PCDH10: variants seen among roughly 807,000 people sequenced by gnomAD.
The protein encoded by PCDH10 is protocadherin-10.
A neutral mutation model predicts 74.4 loss-of-function variants in PCDH10; 15 were observed. That is an observed-to-expected ratio of 0.20 (90% CI 0.13 to 0.31). The LOEUF is 0.31. Among genes scored for constraint, PCDH10 ranks in the 10% least tolerant of loss-of-function variants. The probability of loss-of-function intolerance (pLI) is 1.00; values close to 1 mark genes in which losing one functional copy is unlikely to be tolerated. For missense variants in PCDH10, 1,260 were observed against 1,390.2 expected (o/e 0.91, Z 1.49); for synonymous variants, 619 against 589.8 (o/e 1.05, Z -0.72).
intron 4 of PCDH10, among the ~76,000 whole-genome samples, chr4:133,189,768 T>C (rs1286859782): frequency 1.3e-5 from 2 of 152,112 alleles, no homozygotes; most frequent in Non-Finnish European, 2.9e-5. Flanking sequence ...TTTATAGATT[T>C]TGCTAGAAAC....
Position 133,150,229 on chromosome 4 carries a change from A to G in PCDH10, c.89A>G (p.His30Arg), listed in dbSNP as rs1726627529. Residue 30 changes from histidine (H) to arginine (R), a missense_variant, in exon 1 of 5, where the codon CAT becomes CGT. By Grantham distance (29) the His-to-Arg change is conservative. Transcript: ENST00000264360. ...TACACGGTACAGGAGGAGCAGGAAC[A>G]TGGCACTTTCGTGGGGAATATCGCT... ...LHYTVQEEQE[H>R]GTFVGNIAED... 1 of 1,613,806 alleles carries G rather than the reference A, an allele frequency of 6.2e-7. No homozygotes were observed. Among genetic ancestry groups the G allele is most frequent in the Non-Finnish European group, 8.5e-7 (1 of 1,179,972 alleles).
rs766550868 is a variant in PCDH10, at chr4:133,151,475, C to T, written c.1335C>T (p.Thr445=). ...ACCGGGGCGAGCCTGCGCTCTCCAC[C>T]AGTAAGTCGATCCAGGTACAAGTGT... The part of the protein sequence containing the change: ...ARDRGEPALS[T]SKSIQVQVSD... The change falls in exon 1 of 5, where the codon ACC becomes ACT. Residue 445 remains threonine (T), a synonymous_variant. Transcript: ENST00000264360. 3 of 1,613,930 alleles carry T rather than the reference C, an allele frequency of 1.9e-6. No individual in the cohort carries two copies. The South Asian group carries it at 3.3e-5, about 18-fold the overall frequency.
intron 4 of PCDH10, among the ~76,000 whole-genome samples, chr4:133,178,666 T>TTTTTTTTTTTTTTTTTTTTTTTTTTTGAG (rs1727347307): frequency 6.6e-6 from 1 of 151,872 alleles, no homozygotes; most frequent in African/African-American, 2.4e-5. Flanking sequence ...ATGTTACTTT[T>TTTTTTTTTTTTTTTTTTTTTTTTTTTGAG]AATCACTTGA....
chr4:133,184,498 C>A (rs1727489720), intron 4 of PCDH10, among the ~76,000 whole-genome samples: 1 of 151,500 alleles, frequency 6.6e-6, no homozygotes, highest in South Asian at 2.1e-4. Context: ...TGGTGCGCAA[C>A]TGTAATCCCA....
At chr4:133,163,322 T>A in intron 4 of PCDH10, 40 bp downstream of exon 4, 2 of 1,500,956 alleles carry the variant, frequency 1.3e-6, no homozygotes, top group South Asian at 2.7e-5. Context: ...GTGTTCCCTT[T>A]GAGGAGATAA....
intron 4 of PCDH10, among the ~76,000 whole-genome samples, chr4:133,164,631 C>T (rs138083616): frequency 0.011 from 1,603 of 151,806 alleles, 30 homozygotes; most frequent in African/African-American, 0.036. Context: ...CTCTTTTGCT[C>T]TTAGTGAGTA....
At chr4:133,157,280 T>TACAATAATTTGAGG (rs1449636130) in intron 3 of PCDH10, among the ~76,000 whole-genome samples, 2 of 152,150 alleles carry the variant, frequency 1.3e-5, no homozygotes, top group African/African-American at 4.8e-5. Flanking sequence ...AGTGTTTTCT[T>TACAATAATTTGAGG]TTTTAAGTAT....
At chr4:133,158,908 C>T (rs893063762) in intron 3 of PCDH10, among the ~76,000 whole-genome samples, 1 of 151,904 alleles carries the variant, frequency 6.6e-6, no homozygotes, top group African/African-American at 2.4e-5. Context: ...AAAATATATA[C>T]ATTTTGAAAG....
Position 133,151,724 on chromosome 4 carries a change from G to A in PCDH10, c.1584G>A (p.Leu528=). The change falls in exon 1 of 5, where the codon CTG becomes CTA. Residue 528 remains leucine, a synonymous_variant. Coordinates refer to ENST00000264360, the MANE Select transcript of PCDH10 (RefSeq NM_032961.3). ...CTGAGAACGGCTACTTGTACGCCCT[G>A]CGCTCCTTCGACTATGAGCAGCTGA... The part of the protein sequence containing the change: ...INSENGYLYA[L]RSFDYEQLKD... 6.2e-7 allele frequency: 1 copy of A among 1,613,196 alleles called. No individual in the cohort carries two copies. The highest frequency in any genetic ancestry group is 8.5e-7 in the Non-Finnish European group (1 of 1,180,040).
chr4:133,166,510 A>G (rs1727084739), intron 4 of PCDH10, among the ~76,000 whole-genome samples: 1 of 151,560 alleles, frequency 6.6e-6, no homozygotes. Flanking sequence ...GTGTAAAACC[A>G]TCTGGATAAT....
intron 3 of PCDH10, among the ~76,000 whole-genome samples, chr4:133,161,799 C>A (rs1726976336): frequency 6.6e-6 from 1 of 151,946 alleles, no homozygotes; most frequent in Admixed American, 6.6e-5. Context: ...CACCCAGCTC[C>A]ATGCCAGTGA....
intron 2 of PCDH10, among the ~76,000 whole-genome samples, chr4:133,204,358 G>T (rs141981338): frequency 6.6e-6 from 1 of 152,228 alleles, no homozygotes; most frequent in East Asian, 1.9e-4. Context: ...GCTAGTGAAG[G>T]TCACTACGTT....
chr4:133,199,199 G>A (rs1173450549), downstream of PCDH10, among the ~76,000 whole-genome samples: 3 of 151,290 alleles, frequency 2.0e-5, no homozygotes, highest in African/African-American at 7.3e-5. Context: ...GAAGTGGGAG[G>A]ATCACTTGAG....
intron 4 of PCDH10, among the ~76,000 whole-genome samples, chr4:133,168,756 T>A (rs1727139580): frequency 6.6e-6 from 1 of 151,648 alleles, no homozygotes; most frequent in Non-Finnish European, 1.5e-5. Flanking sequence ...AAAAATGAAT[T>A]AATGGGCATT....
At position 133,150,793 on chromosome 4, in the gene PCDH10, G is replaced by T; in HGVS notation, c.653G>T (p.Gly218Val). The change falls in exon 1 of 5, where the codon GGT (glycine) becomes GTT (valine). Residue 218 changes from glycine (G) to valine (V), a missense_variant. By Grantham distance (109) the Gly-to-Val change is moderately radical (BLOSUM62 -3). Coordinates refer to ENST00000264360, the MANE Select transcript of PCDH10 (RefSeq NM_032961.3). Reference sequence around the variant, plus strand: ...GGAGGAGTAGGAGAAGGAGGGGGAGGTGGCGGGGGAGCAGGCCTGCCCCCC... The same window carrying T: ...GGAGGAGTAGGAGAAGGAGGGGGAGTTGGCGGGGGAGCAGGCCTGCCCCCC... ...GGGGVGEGGG[G>V]GGGAGLPPQQ... 2 of 1,579,884 alleles carry T rather than the reference G, an allele frequency of 1.3e-6. No individual in the cohort carries two copies. The highest frequency in any genetic ancestry group is 8.6e-7 in the Non-Finnish European group (1 of 1,163,556).
At chr4:133,184,585 T>A (rs1407683838) in intron 4 of PCDH10, among the ~76,000 whole-genome samples, 6 of 151,174 alleles carry the variant, frequency 4.0e-5, no homozygotes, top group Non-Finnish European at 8.8e-5. Flanking sequence ...ATCACAGCAC[T>A]GCACACCAGA....
rs1379261815 is a variant in PCDH10 at position 133,191,116 on chromosome 4, G to A, written c.*956G>A. 1.3e-5 allele frequency: 2 copies of A among 152,228 alleles called. No individual in the cohort carries two copies. Among genetic ancestry groups the A allele is most frequent in the African/African-American group, 4.8e-5 (2 of 41,378 alleles). 9.4% of individuals were successfully genotyped at this position (152,228 alleles called of 1,614,324 possible). ...TTCTATTTCTATGACTTTGAATTTA[G>A]AATCACTTAAAGCTTTTATAAAGAA... is the stretch of plus-strand genomic sequence containing the variant. On this transcript the variant is annotated 3_prime_UTR_variant, in exon 5 of 5. Coordinates refer to ENST00000264360, the MANE Select transcript of PCDH10 (RefSeq NM_032961.3).
intron 1 of PCDH10, 179 bp downstream of exon 1, chr4:133,152,950 T>C: frequency 6.9e-7 from 1 of 1,451,442 alleles, no homozygotes; most frequent in East Asian, 2.5e-5. Context: ...TAACCTAACT[T>C]TCGCGTTGTT....
At chr4:133,173,966 C>CTTACACATTAAGCTA (rs1485267424) in intron 4 of PCDH10, among the ~76,000 whole-genome samples, 8 of 151,772 alleles carry the variant, frequency 5.3e-5, no homozygotes, top group African/African-American at 1.9e-4. Context: ...GTAATAATAG[C>CTTACACATTAAGCTA]TTACACATTA....
Sources: allele counts gnomAD v4.1 joint callset (sites outside exome capture counted in the v4.1 genomes callset), GRCh38; gene constraint gnomAD v4.1.1; transcripts MANE v1.5; gene names NCBI Gene and HGNC (gene_info 2026-07-23, HGNC 2026-07-21).